Variants in OPCML observed in about 807,000 individuals in gnomAD.
OPCML encodes the protein opioid-binding protein/cell adhesion molecule.
In OPCML, 13 loss-of-function variants were observed where a neutral mutation model predicts 37.8. That is an observed-to-expected ratio of 0.34 (90% CI 0.22 to 0.55). OPCML has a LOEUF of 0.55. Ranked by LOEUF, OPCML falls within the 20% of genes least tolerant of loss-of-function variation. The probability of loss-of-function intolerance (pLI) is 0.91; values close to 1 mark genes in which losing one functional copy is unlikely to be tolerated. For missense variants in OPCML, 341 were observed against 435.6 expected (o/e 0.78, Z 1.93); for synonymous variants, 176 against 168.8 (o/e 1.04, Z -0.33).
chr11:133,298,576 C>T (rs992932841), intron 1 of OPCML: 2 of 152,098 alleles, frequency 1.3e-5, no homozygotes, highest in Admixed American at 6.6e-5. Flanking sequence ...AACATCAAAA[C>T]GATACTGGTC....
At chr11:133,140,519 T>TAAGAAGAAGAAGAAG (rs1488982025) in intron 1 of OPCML, among the ~76,000 whole-genome samples, 4 of 68,114 alleles carry the variant, frequency 5.9e-5, no homozygotes, top group East Asian at 4.5e-4. Context: ...CTCAAAATAA[T>TAAGAAGAAGAAGAAG]AATAATAATA....
At chr11:133,298,245 A>T (rs1942677387) in intron 1 of OPCML, 1 of 152,184 alleles carries the variant, frequency 6.6e-6, no homozygotes, top group African/African-American at 2.4e-5. Context: ...ACACAGTATA[A>T]AGATAGCCAA....
At chr11:133,284,171 T>C (rs1223896623) in intron 1 of OPCML, among the ~76,000 whole-genome samples, 2 of 152,108 alleles carry the variant, frequency 1.3e-5, no homozygotes, top group African/African-American at 4.8e-5. Context: ...CTACATCAAA[T>C]GGAAAGGGGA....
At chr11:133,327,670 C>G (rs1435582938) in intron 1 of OPCML, among the ~76,000 whole-genome samples, 1 of 152,166 alleles carries the variant, frequency 6.6e-6, no homozygotes, top group Non-Finnish European at 1.5e-5. Context: ...ATTCTATAGA[C>G]CTAAACTTTC....
At chr11:133,187,605 C>T (rs373089337) in intron 1 of OPCML, among the ~76,000 whole-genome samples, 1 of 152,094 alleles carries the variant, frequency 6.6e-6, no homozygotes, top group East Asian at 1.9e-4. Context: ...AGGCATATGC[C>T]AAAAGCACTA....
chr11:132,904,676 A>G (rs1158699303), intron 2 of OPCML, among the ~76,000 whole-genome samples: 1 of 152,202 alleles, frequency 6.6e-6, no homozygotes, highest in Non-Finnish European at 1.5e-5. Context: ...TTCAAAAGCA[A>G]GAAATATCGC....
intron 3 of OPCML, among the ~76,000 whole-genome samples, chr11:132,639,354 A>T (rs1940707661): frequency 6.6e-6 from 1 of 152,186 alleles, no homozygotes; most frequent in Admixed American, 6.5e-5. Context: ...TCAACTCTTC[A>T]CCTAACTATG....
rs541534408 is a variant in OPCML, at chr11:133,387,059, C to T, written c.61+145205G>A. ...CCAACTCCGGTATTTTGGCCCTCAG[C>T]CTGGGCTCTCTGTATCATAGCCTGT... On this transcript the variant is annotated intron_variant, in intron 1 of 7. Transcript: ENST00000524381. Among the ~76,000 whole-genome samples the T allele has an allele frequency of 4.6e-5, 7 of 152,334 alleles. No homozygotes were observed. In the South Asian group the frequency reaches 1.5e-3, roughly 32 times the overall value.
intron 1 of OPCML, among the ~76,000 whole-genome samples, chr11:133,167,155 C>G (rs1057338118): frequency 6.6e-6 from 1 of 152,132 alleles, no homozygotes; most frequent in African/African-American, 2.4e-5. Context: ...TGGTGGCCGG[C>G]GCTGGAAGGC....
rs1278185611 is a variant in OPCML, at chr11:133,174,432, G to T, written c.62-231422C>A. Among the ~76,000 whole-genome samples the T allele has an allele frequency of 6.6e-6, 1 of 152,064 alleles. No individual in the cohort carries two copies. Among genetic ancestry groups the T allele is most frequent in the African/African-American group, 2.4e-5 (1 of 41,430 alleles). On this transcript the variant is annotated intron_variant, in intron 1 of 7. Transcript: ENST00000524381. The surrounding 1 kb of genome is among the most constrained non-coding windows in gnomAD (Gnocchi z 4.6). The stretch of plus-strand genomic sequence containing the variant: ...ACCTTACCTCTGGATATAGGAGAAG[G>T]AATGGTTTTCTCAGACGAGTTAGAA...
intron 1 of OPCML, among the ~76,000 whole-genome samples, chr11:133,051,390 A>T (rs1417345922): frequency 6.6e-6 from 1 of 152,200 alleles, no homozygotes; most frequent in Non-Finnish European, 1.5e-5. Context: ...AAGCAGTTAG[A>T]GTCTGCACCC....
chr11:133,456,386 G>A (rs12281719), intron 1 of OPCML, among the ~76,000 whole-genome samples: 20,073 of 151,906 alleles, frequency 0.13, 3,147 homozygotes, highest in African/African-American at 0.37. Context: ...AAGGCCCCCT[G>A]ATTAGTGAAG....
chr11:133,243,783 G>A (rs748691094), intron 1 of OPCML, among the ~76,000 whole-genome samples: 9 of 152,196 alleles, frequency 5.9e-5, no homozygotes, highest in Non-Finnish European at 1.0e-4. Context: ...AAGACAAATT[G>A]CTTATTTGCG....
intron 3 of OPCML, among the ~76,000 whole-genome samples, chr11:132,638,766 C>CCCAA (rs918421874): frequency 2.0e-5 from 3 of 152,072 alleles, no homozygotes; most frequent in Admixed American, 2.0e-4. Flanking sequence ...TGATTTCATT[C>CCCAA]CCAACCAACC....
chr11:133,246,144 G>T (rs1341256914), intron 1 of OPCML, among the ~76,000 whole-genome samples: 1 of 152,154 alleles, frequency 6.6e-6, no homozygotes, highest in Non-Finnish European at 1.5e-5. Flanking sequence ...TTAAAAAGAA[G>T]CTTGGTGGGA....
In OPCML at chr11:133,291,771, A is replaced by G. The variant is rs1202951768; in HGVS notation, c.61+240493T>C. Reference sequence around the variant, plus strand: ...ATTGAACAACATTAATGAGACACCCAATCTCAGCATTTTACTCTCCACTGC... The same window carrying G: ...ATTGAACAACATTAATGAGACACCCGATCTCAGCATTTTACTCTCCACTGC... On this transcript the variant is annotated intron_variant, in intron 1 of 7. Transcript: ENST00000524381. Among the ~76,000 whole-genome samples the G allele has an allele frequency of 2.0e-5, 3 of 152,292 alleles. No individual in the cohort carries two copies. The East Asian group carries it at 5.8e-4, about 29-fold the overall frequency.
chr11:133,242,230 A>G (rs1182566782), intron 1 of OPCML, among the ~76,000 whole-genome samples: 1 of 152,162 alleles, frequency 6.6e-6, no homozygotes, highest in Non-Finnish European at 1.5e-5. Context: ...GAATGATACG[A>G]TTACCACATC....
At chr11:133,321,231 T>C (rs1021864737) in intron 1 of OPCML, among the ~76,000 whole-genome samples, 5 of 152,232 alleles carry the variant, frequency 3.3e-5, no homozygotes, top group East Asian at 1.9e-4. Context: ...CTCCAGCTTC[T>C]GGAATGAAGG....
intron 7 of OPCML, 84 bp from the exon 8 acceptor site, chr11:132,420,377 T>A: frequency 6.5e-7 from 1 of 1,547,558 alleles, no homozygotes; most frequent in Non-Finnish European, 8.7e-7. Context: ...TACACATACA[T>A]GCTTCCCACC....
Sources: gnomAD v4.1 joint callset for allele counts (sites outside exome capture counted in the v4.1 genomes callset) on GRCh38, gnomAD v4.1.1 for gene constraint, Gnocchi (gnomAD v3.1) non-coding constraint, MANE v1.5 for transcripts, NCBI Gene and HGNC (gene_info 2026-07-23, HGNC 2026-07-21) for gene names.